The following RARB variants were observed in gnomAD, a reference collection of about 807,000 sequenced individuals.
RARB encodes HBV-activated protein.
RARB carries 17 observed loss-of-function variants against 51.9 expected under a neutral mutation model. The ratio of observed to expected loss-of-function variants is 0.33; its 90% CI spans 0.22 to 0.49. The LOEUF is 0.49. Among genes scored for constraint, RARB ranks in the 20% least tolerant of loss-of-function variants. The pLI is 0.99. For missense variants in RARB, 369 were observed against 550.8 expected (o/e 0.67, Z 3.30); for synonymous variants, 215 against 195.4 (o/e 1.10, Z -0.84).
Position 24,875,630 on chromosome 3 carries a change from C to A in RARB, c.-380+16878C>A, listed in dbSNP as rs973631161. 9.9e-5 allele frequency among the ~76,000 whole-genome samples: 15 copies of A among 152,140 alleles called. No homozygotes were observed. The Middle Eastern group carries it at 0.017, about 172-fold the overall frequency. On this transcript the variant is annotated intron_variant, in intron 2 of 11. Transcript: ENST00000383772. ...TGTTTTAGTGTGAAATGTCTATTTT[C>A]AGGAAAGTTACAAAGATATTTCAGG...
At chr3:25,007,663 ATACTTTCAAAAG>A (rs1203871536) in intron 2 of RARB, among the ~76,000 whole-genome samples, 3 of 150,388 alleles carry the variant, frequency 2.0e-5, no homozygotes, top group African/African-American at 7.4e-5. Flanking sequence ...ACAAAAAAGA[ATACTTTCAAAAG>A]TTCTAATGAG....
chr3:25,422,788 G>GA (rs1401437546), intron 5 of RARB, among the ~76,000 whole-genome samples: 1 of 151,936 alleles, frequency 6.6e-6, no homozygotes, highest in Non-Finnish European at 1.5e-5. Flanking sequence ...AAAAGGGAAG[G>GA]AAAAGTAAAG....
chr3:25,331,556 G>A (rs894265997), intron 5 of RARB, among the ~76,000 whole-genome samples: 4 of 152,164 alleles, frequency 2.6e-5, no homozygotes, highest in African/African-American at 9.7e-5. Context: ...AGCACTAAAT[G>A]CCCACAAGAG....
chr3:25,194,128 A>G (rs547404361), intron 5 of RARB, among the ~76,000 whole-genome samples: 1 of 152,018 alleles, frequency 6.6e-6, no homozygotes, highest in East Asian at 1.9e-4. Context: ...TCTGGAGAAC[A>G]TTATGCTAAG....
intron 2 of RARB, among the ~76,000 whole-genome samples, chr3:24,924,975 T>C (rs900943974): frequency 6.6e-6 from 1 of 152,134 alleles, no homozygotes; most frequent in Admixed American, 6.6e-5. Context: ...TGCAAGCTTA[T>C]ATCACCTGTT....
chr3:25,363,013 A>G (rs1449542420), intron 5 of RARB, among the ~76,000 whole-genome samples: 1 of 152,180 alleles, frequency 6.6e-6, no homozygotes. Context: ...GGTCCTGGCA[A>G]TTGAAACATG....
chr3:25,160,949 C>T (rs972493650), intron 4 of RARB, among the ~76,000 whole-genome samples: 2 of 152,218 alleles, frequency 1.3e-5, no homozygotes, highest in East Asian at 1.9e-4. Flanking sequence ...TTGCCTCCCT[C>T]TTGTAAGAAT....
At chr3:25,280,174 A>G (rs1463438087) in intron 5 of RARB, among the ~76,000 whole-genome samples, 3 of 152,214 alleles carry the variant, frequency 2.0e-5, no homozygotes, top group Non-Finnish European at 4.4e-5. Context: ...TCATGGAGAA[A>G]TATGATTGGA....
intron 1 of RARB, among the ~76,000 whole-genome samples, chr3:24,857,846 A>G (rs901588837): frequency 6.6e-5 from 10 of 152,328 alleles, no homozygotes; most frequent in African/African-American, 2.4e-4. Flanking sequence ...GGATAGCCTG[A>G]ACCCAGGAGT....
Position 24,915,513 on chromosome 3 carries a change from C to T in RARB, c.-380+56761C>T, listed in dbSNP as rs1023379417. Among the ~76,000 whole-genome samples the T allele has an allele frequency of 3.9e-5, 6 of 152,118 alleles. 1 individual carries two copies. The highest frequency in any genetic ancestry group is 3.9e-4 in the Admixed American group (6 of 15,278). ...CATACTGGACAGGGACAGCTCCAGACCAAAGACTGCTCATAAATTGCTAGG... is the reference window on the plus strand; with the variant it reads ...CATACTGGACAGGGACAGCTCCAGATCAAAGACTGCTCATAAATTGCTAGG... On this transcript the variant is annotated intron_variant, in intron 2 of 11. Coordinates refer to the RARB transcript ENST00000383772.
intron 3 of RARB, among the ~76,000 whole-genome samples, chr3:25,547,524 G>A (rs1699664355): frequency 6.6e-6 from 1 of 152,176 alleles, no homozygotes; most frequent in African/African-American, 2.4e-5. Flanking sequence ...TGAATTATTG[G>A]GCGGTCATTG....
chr3:25,061,115 C>T (rs1349602212), intron 3 of RARB, among the ~76,000 whole-genome samples: 1 of 151,692 alleles, frequency 6.6e-6, no homozygotes, highest in Non-Finnish European at 1.5e-5. Context: ...ACATACTTGG[C>T]CTGGAACTTT....
At chr3:24,905,572 C>T (rs1384695575) in intron 2 of RARB, among the ~76,000 whole-genome samples, 1 of 152,196 alleles carries the variant, frequency 6.6e-6, no homozygotes, top group Non-Finnish European at 1.5e-5. Flanking sequence ...GACAAGCTTT[C>T]CTTTCCTGAT....
chr3:25,338,611 A>T (rs560963832), intron 5 of RARB, among the ~76,000 whole-genome samples: 110 of 152,112 alleles, frequency 7.2e-4, no homozygotes, highest in African/African-American at 2.5e-3. Context: ...AGTTCAAAAG[A>T]AAAGATTCAG....
chr3:24,919,263 T>A (rs1178672101), intron 2 of RARB, among the ~76,000 whole-genome samples: 1 of 152,220 alleles, frequency 6.6e-6, no homozygotes, highest in Admixed American at 6.5e-5. Flanking sequence ...TGTACTTGTT[T>A]CCAAGATTTG....
chr3:25,503,413 AGTACT>A (rs751643163), intron 3 of RARB, among the ~76,000 whole-genome samples: 6 of 152,204 alleles, frequency 3.9e-5, no homozygotes, highest in Admixed American at 2.6e-4. Context: ...AGGGAAAATC[AGTACT>A]TTTGCATTAT....
intron 2 of RARB, among the ~76,000 whole-genome samples, chr3:25,461,699 G>A (rs539446129): frequency 5.5e-4 from 83 of 152,204 alleles, no homozygotes; most frequent in Non-Finnish European, 1.0e-3. Flanking sequence ...TTTGAGGCCC[G>A]CCTGACCAAC....
intron 2 of RARB, among the ~76,000 whole-genome samples, chr3:25,046,356 T>C (rs1262364161): frequency 2.6e-5 from 4 of 152,224 alleles, no homozygotes; most frequent in Non-Finnish European, 4.4e-5. Flanking sequence ...AGGTCATTCA[T>C]AGAGCAATTT....
At chr3:25,114,492 T>C (rs983515868) in intron 3 of RARB, among the ~76,000 whole-genome samples, 1 of 152,192 alleles carries the variant, frequency 6.6e-6, no homozygotes, top group Non-Finnish European at 1.5e-5. Context: ...TACTTTGTGC[T>C]CCAGGATGTG....
Sources: allele counts gnomAD v4.1 joint callset (sites outside exome capture counted in the v4.1 genomes callset), GRCh38; gene constraint gnomAD v4.1.1; transcripts MANE v1.5; gene names NCBI Gene and HGNC (gene_info 2026-07-23, HGNC 2026-07-21).